MYSM1: variants seen among roughly 807,000 people sequenced by gnomAD.
MYSM1 encodes Myb like, SWIRM and MPN domains 1, also known as deubiquitinase MYSM1.
MYSM1 carries 51 observed loss-of-function variants against 116.0 expected under a neutral mutation model. The observed-to-expected ratio is 0.44, with a 90% confidence interval of 0.35 to 0.56. MYSM1 has a LOEUF of 0.56. Among genes scored for constraint, MYSM1 ranks in the 20% least tolerant of loss-of-function variants. The pLI is 0.00. For missense variants in MYSM1, 900 were observed against 974.9 expected, an observed-to-expected ratio of 0.92 and a Z score of 1.02; for synonymous variants, 313 against 315.2, an observed-to-expected ratio of 0.99 and a Z score of 0.07.
chr1:58,691,266 C>T (rs557595801), intron 3 of MYSM1, among the ~76,000 whole-genome samples: 10 of 150,614 alleles, frequency 6.6e-5, no homozygotes, highest in African/African-American at 2.2e-4. Context: ...GGCGACAGAG[C>T]GAGACTCCGT....
rs968906103 is a variant in MYSM1, at chr1:58,682,494, G to T, written c.550C>A (p.Leu184Ile). 3 of 1,613,466 alleles carry T rather than the reference G, an allele frequency of 1.9e-6. No individual in the cohort carries two copies. In the Admixed American group the frequency reaches 5.0e-5, roughly 27 times the overall value. Residue 184 changes from leucine (L) to isoleucine (I), a missense_variant, in exon 8 of 20, where the codon CTT becomes ATT. By Grantham distance (5) the Leu-to-Ile change is conservative. Coordinates refer to ENST00000472487, the MANE Select transcript of MYSM1 (RefSeq NM_001085487.3). The part of the protein sequence containing the change: ...ETPNQKTGHN[L>I]QVKNEDKGTK... ...CCTTTATCTTCATTTTTAACTTGAA[G>T]ATTATGGCCGGTCTTCTGATTTGGT...
intron 9 of MYSM1, 56 bp from the exon 10 acceptor site, chr1:58,675,636 A>T: frequency 7.4e-7 from 1 of 1,352,328 alleles, no homozygotes; most frequent in Non-Finnish European, 1.0e-6. Flanking sequence ...CTCATTTGTT[A>T]AACAGTAAGA....
At chr1:58,699,764 G>A (rs1645035706) in intron 1 of MYSM1, 1 of 985,446 alleles carries the variant, frequency 1.0e-6, no homozygotes. Context: ...CCGGCAAAAG[G>A]TGAAAGCGAC....
In MYSM1 at chr1:58,678,722, G is replaced by A. The variant is rs571610369; in HGVS notation, c.1260-1666C>T. 1.2e-4 allele frequency among the ~76,000 whole-genome samples: 18 copies of A among 152,280 alleles called. 1 individual carries two copies. The South Asian group carries it at 3.5e-3, about 30-fold the overall frequency. On this transcript the variant is annotated intron_variant, in intron 8 of 19. Transcript: ENST00000472487. ...ATACAGGGCAAGAGAATGAAAGGGA[G>A]GAGATATGTGAGATATTTTAGATAA...
intron 10 of MYSM1, 29 bp downstream of exon 10, chr1:58,675,448 A>C (rs1393951941): frequency 4.5e-5 from 67 of 1,491,716 alleles, no homozygotes; most frequent in Non-Finnish European, 5.7e-5. Flanking sequence ...AGCAATGTGG[A>C]GAGATCACTG....
chr1:58,656,556 T>G lies in MYSM1; in HGVS notation c.*3441A>C, dbSNP rs1451609472. 6.6e-6 allele frequency: 1 copy of G among 152,194 alleles called. No individual in the cohort carries two copies. The highest frequency in any genetic ancestry group is 2.4e-5 in the African/African-American group (1 of 41,438). The allele number at this position is 152,194 out of a possible 1,614,324, so 9.4% of individuals were successfully genotyped here. A position where few individuals can be genotyped will look rare whatever the true frequency, so the allele number is the denominator to read the frequency against. On this transcript the variant is annotated 3_prime_UTR_variant, in exon 20 of 20. Transcript: ENST00000472487. ...CTAAAACAAACCACTGCCTCCTATCTTTTTTGAGGATGAATGGTCCCAAGT... is the reference window on the plus strand; with the variant it reads ...CTAAAACAAACCACTGCCTCCTATCGTTTTTGAGGATGAATGGTCCCAAGT...
At chr1:58,662,866 G>A (rs982063683) in intron 17 of MYSM1, among the ~76,000 whole-genome samples, 7 of 151,768 alleles carry the variant, frequency 4.6e-5, no homozygotes, top group South Asian at 2.1e-4. Flanking sequence ...TATAGTACAC[G>A]GGGTATTAAG....
At chr1:58,698,539 A>G (rs1645016289) in intron 1 of MYSM1, among the ~76,000 whole-genome samples, 1 of 128,448 alleles carries the variant, frequency 7.8e-6, no homozygotes, top group Admixed American at 7.8e-5. Flanking sequence ...AAATAGGAAG[A>G]AAGAGAAAAG....
At chr1:58,688,985 C>A in intron 6 of MYSM1, 53 bp downstream of exon 6, 1 of 1,473,026 alleles carries the variant, frequency 6.8e-7, no homozygotes, top group South Asian at 1.2e-5. Context: ...ATAACTTTAC[C>A]AATATTTGCT....
At chr1:58,674,741 A>T (rs375384509) in intron 10 of MYSM1, among the ~76,000 whole-genome samples, 3 of 151,952 alleles carry the variant, frequency 2.0e-5, no homozygotes, top group East Asian at 3.9e-4. Context: ...CTGGCTAACA[A>T]GGTGAAACCC....
intron 7 of MYSM1, among the ~76,000 whole-genome samples, chr1:58,683,868 G>T (rs1398214184): frequency 6.6e-6 from 1 of 152,128 alleles, no homozygotes; most frequent in African/African-American, 2.4e-5. Flanking sequence ...AAATTCAGAT[G>T]AAATTTTGCA....
chr1:58,692,982 T>C, intron 2 of MYSM1, 51 bp from the exon 3 acceptor site: 1 of 1,425,972 alleles, frequency 7.0e-7, no homozygotes, highest in Non-Finnish European at 9.7e-7. Flanking sequence ...TTTTTGAAAT[T>C]ATCTTCTGTT....
Position 58,682,476 on chromosome 1 carries a change from C to A in MYSM1, c.568G>T (p.Asp190Tyr). 6.2e-7 allele frequency: 1 copy of A among 1,613,946 alleles called. No homozygotes were observed. The highest frequency in any genetic ancestry group is 8.5e-7 in the Non-Finnish European group (1 of 1,179,944). Residue 190 changes from aspartate (D) to tyrosine (Y), a missense_variant, in exon 8 of 20, where the codon GAT (aspartate) becomes TAT (tyrosine). Transcript: ENST00000472487. ...TGHNLQVKNEDKGTKAWTPSC... is the reference protein window; with the variant it reads ...TGHNLQVKNEYKGTKAWTPSC... ...GGTGTCCATGCCTTTGTCCCTTTATCTTCATTTTTAACTTGAAGATTATGG... is the reference window on the plus strand; with the variant it reads ...GGTGTCCATGCCTTTGTCCCTTTATATTCATTTTTAACTTGAAGATTATGG...
chr1:58,697,563 G>A (rs1299412246), intron 1 of MYSM1, among the ~76,000 whole-genome samples: 1 of 151,418 alleles, frequency 6.6e-6, no homozygotes, highest in African/African-American at 2.4e-5. Context: ...AGACAGAATG[G>A]TAGAAGTAGA....
intron 1 of MYSM1, among the ~76,000 whole-genome samples, chr1:58,698,098 A>ATTT (rs1386142383): frequency 3.3e-5 from 1 of 30,234 alleles, no homozygotes; most frequent in African/African-American, 1.3e-4. Context: ...ATATATATAT[A>ATTT]TATATTTTTT....
At position 58,669,149 on chromosome 1, in the gene MYSM1, TGA is replaced by T. The variant is rs530697972; in HGVS notation, c.1662-113_1662-112del. 5.7e-4 allele frequency: 412 copies of T among 718,192 alleles called. 1 individual carries two copies. The African/African-American group carries it at 6.3e-3, about 11-fold the overall frequency. The allele number at this position is 718,192 out of a possible 1,614,324, so 44.5% of individuals were successfully genotyped here. ...AATCTAAACCCAAATTCTGTCTAAA[TGA>T]GAGAGTTTTGTAGGAAATTCCATAA... is the stretch of plus-strand genomic sequence containing the variant. On this transcript the variant is annotated intron_variant, in intron 12 of 19. Transcript: ENST00000472487.
Position 58,655,548 on chromosome 1 carries a change from T to G in MYSM1, c.*4449A>C, listed in dbSNP as rs1047388825. 6.6e-6 allele frequency: 1 copy of G among 152,180 alleles called. No individual in the cohort carries two copies. Among genetic ancestry groups the G allele is most frequent in the South Asian group, 2.1e-4 (1 of 4,826 alleles). The allele number at this position is 152,180 out of a possible 1,614,324, so 9.4% of individuals were successfully genotyped here. A position where few individuals can be genotyped will look rare whatever the true frequency, so the allele number is the denominator to read the frequency against. On this transcript the variant is annotated 3_prime_UTR_variant, in exon 20 of 20. Transcript: ENST00000472487. ...GAAAAATGTAAGGTGGCTTAGAAGATAGACTCAGAATATACTAGAAAGTAT... is the reference window on the plus strand; with the variant it reads ...GAAAAATGTAAGGTGGCTTAGAAGAGAGACTCAGAATATACTAGAAAGTAT...
At chr1:58,666,742 T>C (rs1204893861) in intron 16 of MYSM1, among the ~76,000 whole-genome samples, 2 of 151,334 alleles carry the variant, frequency 1.3e-5, no homozygotes, top group African/African-American at 4.8e-5. Flanking sequence ...GGCGTGGTGG[T>C]GCACGCCTGT....
At position 58,673,617 on chromosome 1, in the gene MYSM1, C is replaced by T. The variant is rs1644597717; in HGVS notation, c.1528G>A (p.Gly510Arg). 2.5e-6 allele frequency: 4 copies of T among 1,613,928 alleles called. No homozygotes were observed. The highest frequency in any genetic ancestry group is 1.3e-5 in the African/African-American group (1 of 74,928). Residue 510 changes from glycine (G) to arginine (R), a missense_variant, in exon 11 of 20, where the codon GGA (glycine) becomes AGA (arginine). By Grantham distance (125) the Gly-to-Arg change is moderately radical (BLOSUM62 -2). This residue lies in a region of MYSM1 where 622 missense variants were observed against 623.7 expected (regional missense o/e 1.00). Coordinates refer to ENST00000472487, the MANE Select transcript of MYSM1 (RefSeq NM_001085487.3). ...AAGTCCTTTGCATCACACCAGTTTC[C>T]CCATGGGTCTCGGACCCTACGTCTC... The part of the protein sequence containing the change: ...TRRRRVRDPW[G>R]NWCDAKDLEG...
Sources: gnomAD v4.1 joint callset for allele counts (sites outside exome capture counted in the v4.1 genomes callset) on GRCh38, gnomAD v4.1.1 for gene constraint, gnomAD v4.1.1 regional missense constraint, MANE v1.5 for transcripts, NCBI Gene and HGNC (gene_info 2026-07-23, HGNC 2026-07-21) for gene names.